The following CR1 variants were observed in gnomAD, a reference collection of about 807,000 sequenced individuals.
The protein encoded by CR1 is complement C3b/C4b receptor 1 (Knops blood group), also known as complement receptor type 1.
Under a neutral mutation model 187.3 loss-of-function variants are expected in CR1, and 116 were observed. The ratio of observed to expected loss-of-function variants is 0.62; its 90% CI spans 0.53 to 0.72. The LOEUF (loss-of-function observed/expected upper bound fraction) is 0.72, where lower values mean the gene tolerates loss of function less well. Among genes scored for constraint, CR1 ranks in the 30% least tolerant of loss-of-function variants. The pLI, the probability that CR1 is intolerant of heterozygous loss-of-function variation, is 0.00. For synonymous variants in CR1, 576 were observed against 747.1 expected (o/e 0.77, Z 3.73); for missense variants, 1,731 against 2,110.7 (o/e 0.82, Z 3.52).
At chr1:207,522,593 C>A (rs1400801519) in intron 4 of CR1, among the ~76,000 whole-genome samples, 2 of 152,172 alleles carry the variant, frequency 1.3e-5, no homozygotes, top group Non-Finnish European at 2.9e-5. Context: ...AGATCATGGC[C>A]CAGGAATGCT....
chr1:207,526,895 G>A lies in CR1; in HGVS notation c.1029G>A (p.Gln343=). The change falls in exon 6 of 47, where the codon CAG becomes CAA. Residue 343 remains glutamine, a synonymous_variant. Coordinates refer to ENST00000367049, the MANE Select transcript of CR1 (RefSeq NM_000651.6). ...CTGCGTCTATGCGCTGCACACCCCA[G>A]GGAGACTGGAGCCCTGCAGCCCCCA... ...RGAASMRCTP[Q]GDWSPAAPTC... 1 of 1,487,818 alleles carries A rather than the reference G, an allele frequency of 6.7e-7. No homozygotes were observed. Among genetic ancestry groups the A allele is most frequent in the Non-Finnish European group, 8.9e-7 (1 of 1,127,956 alleles). 92.2% of individuals were successfully genotyped at this position (1,487,818 alleles called of 1,614,324 possible).
At chr1:207,633,101 G>A (rs1349540373) in intron 46 of CR1, among the ~76,000 whole-genome samples, 1 of 152,152 alleles carries the variant, frequency 6.6e-6, no homozygotes, top group African/African-American at 2.4e-5. Context: ...CAGATTACCT[G>A]CCTAAAACAC....
At chr1:207,574,718 CTATA>C (rs1405879980) in intron 27 of CR1, among the ~76,000 whole-genome samples, 2 of 152,116 alleles carry the variant, frequency 1.3e-5, no homozygotes, top group African/African-American at 4.8e-5. Flanking sequence ...AGTAGACTGA[CTATA>C]TAGAGTTTGA....
In CR1 at chr1:207,611,727, C is replaced by T. The variant is rs986157698; in HGVS notation, c.6346C>T (p.Gln2116Ter). The change falls in exon 38 of 47, where the codon CAG becomes TAG. Residue 2116 changes from glutamine (Q) to a stop codon, truncating the protein, a stop_gained. Coordinates refer to ENST00000367049, the MANE Select transcript of CR1 (RefSeq NM_000651.6). LOFTEE classifies it high-confidence loss of function. ...ILHGEHTLSH[Q>*]DNFSPGQEVF... ...GCATGGTGAGCATACCCTAAGCCATCAGGACAACTTTTCACCTGGGCAGGA... is the reference window on the plus strand; with the variant it reads ...GCATGGTGAGCATACCCTAAGCCATTAGGACAACTTTTCACCTGGGCAGGA... 1 of 1,613,874 alleles carries T rather than the reference C, an allele frequency of 6.2e-7. No individual in the cohort carries two copies. The highest frequency in any genetic ancestry group is 1.3e-5 in the African/African-American group (1 of 74,904).
chr1:207,605,314 A>C (rs1661716335), intron 35 of CR1, among the ~76,000 whole-genome samples: 1 of 149,374 alleles, frequency 6.7e-6, no homozygotes, highest in Middle Eastern at 3.2e-3. Context: ...AATTGCTAGA[A>C]GAGTAGATTT....
intron 43 of CR1, among the ~76,000 whole-genome samples, chr1:207,620,493 A>G (rs1053894708): frequency 9.9e-5 from 15 of 152,224 alleles, no homozygotes; most frequent in African/African-American, 3.6e-4. Context: ...TGAGCTCTGT[A>G]GAAGAGTAGC....
chr1:207,617,617 A>AT (rs1261184429), intron 41 of CR1, among the ~76,000 whole-genome samples: 7 of 12,426 alleles, frequency 5.6e-4, no homozygotes, highest in African/African-American at 2.5e-3. Context: ...ATATATAGAG[A>AT]GAGAGAGAGA....
At chr1:207,590,679 G>A (rs922714254) in intron 35 of CR1, among the ~76,000 whole-genome samples, 15 of 152,002 alleles carry the variant, frequency 9.9e-5, no homozygotes, top group Admixed American at 8.5e-4. Flanking sequence ...ATTGGATAAA[G>A]AGTCAAGACC....
At chr1:207,604,252 T>G (rs1388814140) in intron 35 of CR1, among the ~76,000 whole-genome samples, 1 of 152,232 alleles carries the variant, frequency 6.6e-6, no homozygotes, top group Non-Finnish European at 1.5e-5. Flanking sequence ...GGTGTTTGCC[T>G]TTTTATAATT....
chr1:207,617,581 A>G lies in CR1; in HGVS notation c.6890-490A>G, dbSNP rs56013260. ...TGTGTATATATATGTGTGTGTGTAT[A>G]TATATATATATATATATATATATAT... is the stretch of plus-strand genomic sequence containing the variant. On this transcript the variant is annotated intron_variant, in intron 41 of 46. Transcript: ENST00000367049. Among the ~76,000 whole-genome samples, 173 of 41,532 alleles carry G rather than the reference A, an allele frequency of 4.2e-3. 6 individuals carry two copies. The highest frequency in any genetic ancestry group is 0.016 in the East Asian group (22 of 1,342). 27.2% of individuals were successfully genotyped at this position (41,532 alleles called of 152,430 possible).
At chr1:207,611,084 T>G (rs1661915621) in intron 37 of CR1, among the ~76,000 whole-genome samples, 1 of 144,048 alleles carries the variant, frequency 6.9e-6, no homozygotes, top group Non-Finnish European at 1.5e-5. Context: ...CTCCCTACCC[T>G]CACCCCCTAT....
At chr1:207,624,293 T>C (rs1336182834) in intron 45 of CR1, among the ~76,000 whole-genome samples, 1 of 152,136 alleles carries the variant, frequency 6.6e-6, no homozygotes, top group East Asian at 1.9e-4. Flanking sequence ...AAGAAACGTC[T>C]TTGACAGGGA....
intron 24 of CR1, 105 bp downstream of exon 24, chr1:207,566,028 T>G (rs1161292447): frequency 6.9e-7 from 1 of 1,438,924 alleles, no homozygotes; most frequent in Non-Finnish European, 9.6e-7. Flanking sequence ...TAGTCTTAAT[T>G]ATCGATTTAA....
intron 45 of CR1, among the ~76,000 whole-genome samples, chr1:207,628,745 C>T (rs1382978147): frequency 6.6e-6 from 1 of 152,112 alleles, no homozygotes; most frequent in African/African-American, 2.4e-5. Flanking sequence ...AAGTATTTTC[C>T]TTTTTTCTTT....
chr1:207,617,608 TATATAG>T (rs1411741702), intron 41 of CR1, among the ~76,000 whole-genome samples: 35 of 12,238 alleles, frequency 2.9e-3, no homozygotes, highest in Admixed American at 9.1e-3. Flanking sequence ...TATATATATA[TATATAG>T]AGAGAGAGAG....
chr1:207,566,036 T>A, intron 24 of CR1, 113 bp downstream of exon 24: 1 of 1,377,106 alleles, frequency 7.3e-7, no homozygotes, highest in Non-Finnish European at 1.0e-6. Flanking sequence ...ATTATCGATT[T>A]AAAAATAGTT....
intron 41 of CR1, 28 bp downstream of exon 41, chr1:207,616,830 A>G (rs1438435386): frequency 6.2e-7 from 1 of 1,610,138 alleles, no homozygotes; most frequent in Non-Finnish European, 8.5e-7. Context: ...CATATCCTAA[A>G]TGGGTTCAGA....
intron 24 of CR1, among the ~76,000 whole-genome samples, chr1:207,567,149 A>C (rs1240960052): frequency 6.6e-6 from 1 of 150,494 alleles, no homozygotes; most frequent in East Asian, 1.9e-4. Context: ...TAAACAAATC[A>C]TTAGATGCTA....
chr1:207,609,638 A>G lies in CR1; in HGVS notation c.6245A>G (p.Gln2082Arg). The G allele has an allele frequency of 1.2e-6, 2 of 1,606,612 alleles. No individual in the cohort carries two copies. The highest frequency in any genetic ancestry group is 1.7e-6 in the Non-Finnish European group (2 of 1,176,548). The change falls in exon 37 of 47, where the codon CAG (glutamine) becomes CGG (arginine). Residue 2082 changes from glutamine to arginine, a missense_variant. Gln to Arg is a conservative substitution (Grantham distance 43). Around this residue, in one of 5 missense-constraint regions of CR1, gnomAD observed 1,312 missense variants for 1,379.6 expected, o/e 0.95. Transcript: ENST00000367049. The part of the protein sequence containing the change: ...GFVMVGSHTV[Q>R]CQTNGRWGPK... ...GTCATGGTAGGGTCCCACACTGTGC[A>G]GTGCCAGACCAATGGCAGATGGGGG...
Sources: allele counts gnomAD v4.1 joint callset (sites outside exome capture counted in the v4.1 genomes callset), GRCh38; gene constraint gnomAD v4.1.1; regional missense constraint gnomAD v4.1.1; transcripts MANE v1.5; gene names NCBI Gene and HGNC (gene_info 2026-07-23, HGNC 2026-07-21).